Variants in ACTR1A observed in about 807,000 individuals in gnomAD.
ACTR1A encodes alpha-centractin.
In ACTR1A, 10 loss-of-function variants were observed where a neutral mutation model predicts 50.7. That is an observed-to-expected ratio of 0.20 (90% CI 0.12 to 0.33). The LOEUF (loss-of-function observed/expected upper bound fraction) is 0.33, where lower values mean the gene tolerates loss of function less well. Among genes scored for constraint, ACTR1A ranks in the 10% least tolerant of loss-of-function variants. ACTR1A has a pLI of 1.00. For missense variants in ACTR1A, 253 were observed against 491.7 expected (o/e 0.51, Z 4.59); for synonymous variants, 177 against 184.2 (o/e 0.96, Z 0.32).
At chr10:102,502,120 A>G (rs1441164817) in intron 1 of ACTR1A, among the ~76,000 whole-genome samples, 2 of 152,116 alleles carry the variant, frequency 1.3e-5, no homozygotes, top group Non-Finnish European at 2.9e-5. Context: ...GCCAATCCCC[A>G]CAGCCCTGGA....
rs2062163777 is a variant in ACTR1A, at chr10:102,485,595, C to T, written c.440+14G>A. 1 of 1,613,050 alleles carries T rather than the reference C, an allele frequency of 6.2e-7. No individual in the cohort carries two copies. The highest frequency in any genetic ancestry group is 2.2e-5 in the East Asian group (1 of 44,858). The stretch of plus-strand genomic sequence containing the variant: ...CTTTCCCCGCAGGGGCCGGGCTAGC[C>T]AGCTGCTACTCACAGGCTGAGTACA... On this transcript the variant is annotated intron_variant, in intron 5 of 10. Coordinates refer to ENST00000369905, the MANE Select transcript of ACTR1A (RefSeq NM_005736.4).
chr10:102,495,755 ATTTT>A (rs79530206), intron 1 of ACTR1A, among the ~76,000 whole-genome samples: 69 of 99,572 alleles, frequency 6.9e-4, no homozygotes, highest in African/African-American at 2.6e-3. Flanking sequence ...TAAATACACA[ATTTT>A]TTTTTTTTTT....
At position 102,488,032 on chromosome 10, in the gene ACTR1A, A is replaced by G. The variant is rs1011613092; in HGVS notation, c.315+118T>C. On this transcript the variant is annotated intron_variant, in intron 4 of 10. Transcript: ENST00000369905. The surrounding 1 kb of genome is among the most constrained non-coding windows in gnomAD (Gnocchi z 4.4). ...TAAGATTAAATCTGAATATGCCTGA[A>G]AATCAAATGGCTCCAGCACTCTTGG... The G allele has an allele frequency of 8.1e-7, 1 of 1,229,670 alleles. No homozygotes were observed. Among genetic ancestry groups the G allele is most frequent in the Non-Finnish European group, 1.1e-6 (1 of 876,288 alleles). The allele number at this position is 1,229,670 out of a possible 1,614,324, so 76.2% of individuals were successfully genotyped here. A position where few individuals can be genotyped will look rare whatever the true frequency, so the allele number is the denominator to read the frequency against.
Position 102,488,184 on chromosome 10 carries a change from T to A in ACTR1A, c.281A>T (p.Tyr94Phe). 6.2e-7 allele frequency: 1 copy of A among 1,613,980 alleles called. No individual in the cohort carries two copies. Among genetic ancestry groups the A allele is most frequent in the South Asian group, 1.1e-5 (1 of 91,086 alleles). ...NDMERIWQYV[Y>F]SKDQLQTFSE... ...GAAAGTCTGCAGCTGGTCCTTAGAA[T>A]AGACATATTGCCAAATGCGTTCCAT... Residue 94 changes from tyrosine (Y) to phenylalanine (F), a missense_variant, in exon 4 of 11, where the codon TAT (tyrosine) becomes TTT (phenylalanine). Tyr to Phe is a conservative substitution (Grantham distance 22). Transcript: ENST00000369905. The surrounding 1 kb of genome is among the most constrained non-coding windows in gnomAD (Gnocchi z 4.4).
intron 5 of ACTR1A, 64 bp from the exon 6 acceptor site, chr10:102,484,440 T>C: frequency 7.2e-7 from 1 of 1,386,476 alleles, no homozygotes. Flanking sequence ...AATACACTTC[T>C]TTATTTAGGG....
Position 102,484,389 on chromosome 10 carries a change from G to C in ACTR1A, c.441-13C>G, listed in dbSNP as rs371581447. Reference sequence around the variant, plus strand: ...GCCTGTAGCGTAACTGAAGCAAAGGGGCAAACCGTCACTCAGCACTGCCTC... The same window carrying C: ...GCCTGTAGCGTAACTGAAGCAAAGGCGCAAACCGTCACTCAGCACTGCCTC... On this transcript the variant is annotated splice_polypyrimidine_tract_variant and intron_variant, in intron 5 of 10. Coordinates refer to ENST00000369905, the MANE Select transcript of ACTR1A (RefSeq NM_005736.4). The C allele has an allele frequency of 1.2e-3, 1,990 of 1,608,262 alleles. 3 individuals are homozygous for C. Among genetic ancestry groups the C allele is most frequent in the Non-Finnish European group, 1.6e-3 (1,914 of 1,175,050 alleles).
intron 1 of ACTR1A, 68 bp downstream of exon 1, chr10:102,502,532 C>T: frequency 6.3e-7 from 1 of 1,578,244 alleles, no homozygotes; most frequent in Non-Finnish European, 8.7e-7. Flanking sequence ...TCAGGCTGAA[C>T]CCCGGGAAGC....
intron 4 of ACTR1A, 29 bp from the exon 5 acceptor site, chr10:102,485,762 G>A (rs751907939): frequency 7.5e-6 from 12 of 1,610,600 alleles, no homozygotes; most frequent in Non-Finnish European, 1.0e-5. Flanking sequence ...GAGACAATGA[G>A]GCCAAGGCCA....
intron 6 of ACTR1A, chr10:102,483,436 C>T (rs1035258337): frequency 4.4e-6 from 1 of 229,842 alleles, no homozygotes; most frequent in African/African-American, 2.3e-5. Context: ...TGGTCCTACC[C>T]AGCTCGAGTT....
Position 102,483,022 on chromosome 10 carries a change from T to A in ACTR1A, c.739A>T (p.Ser247Cys), listed in dbSNP as rs1347168688. The A allele has an allele frequency of 3.1e-6, 5 of 1,613,890 alleles. No individual in the cohort carries two copies. In the South Asian group the frequency reaches 5.5e-5, roughly 18 times the overall value. ...GGCAGGCCACCTACCTCAATGGTGCTGCCATCAGGCAGGTAGTACTGAGCT... is the reference window on the plus strand; with the variant it reads ...GGCAGGCCACCTACCTCAATGGTGCAGCCATCAGGCAGGTAGTACTGAGCT... Reference protein sequence around the residue: ...EKAQYYLPDGSTIEIGPSRFR... With the variant: ...EKAQYYLPDGCTIEIGPSRFR... The change falls in exon 7 of 11, where the codon AGC (serine) becomes TGC (cysteine). Residue 247 changes from serine to cysteine, a missense_variant. This residue lies in a region of ACTR1A where 116 missense variants were observed against 155.9 expected (regional missense o/e 0.74). Transcript: ENST00000369905.
Position 102,488,168 on chromosome 10 carries a change from C to T in ACTR1A, c.297G>A (p.Leu99=). The T allele has an allele frequency of 1.9e-6, 3 of 1,613,312 alleles. 1 individual carries two copies. Residue 99 remains leucine (L), a synonymous_variant, in exon 4 of 11, where the codon CTG becomes CTA. Transcript: ENST00000369905. This position sits in a 1 kb window ranked among gnomAD's most constrained non-coding sequence, Gnocchi z 4.4. ...IWQYVYSKDQ[L]QTFSEEHPVL... ...TCCTCACCTCCTCTGAGAAAGTCTG[C>T]AGCTGGTCCTTAGAATAGACATATT... is the stretch of plus-strand genomic sequence containing the variant.
At chr10:102,493,982 CCA>C (rs2062207566) in intron 1 of ACTR1A, among the ~76,000 whole-genome samples, 1 of 152,196 alleles carries the variant, frequency 6.6e-6, no homozygotes, top group Admixed American at 6.6e-5. Flanking sequence ...GCCTGCCATG[CCA>C]GTCATAGGGT....
Position 102,491,501 on chromosome 10 carries a change from T to G in ACTR1A, c.49-888A>C, listed in dbSNP as rs2135585367. Among the ~76,000 whole-genome samples, 3 of 152,330 alleles carry G rather than the reference T, an allele frequency of 2.0e-5. 1 individual carries two copies. In the South Asian group the frequency reaches 6.2e-4, roughly 32 times the overall value. On this transcript the variant is annotated intron_variant, in intron 1 of 10. Coordinates refer to ENST00000369905, the MANE Select transcript of ACTR1A (RefSeq NM_005736.4). Reference sequence around the variant, plus strand: ...GGAGATTTTTGTTGTTGTTTTCTTTTTAACTATGCTTTCCTTTTACTCCTT... The same window carrying G: ...GGAGATTTTTGTTGTTGTTTTCTTTGTAACTATGCTTTCCTTTTACTCCTT...
intron 1 of ACTR1A, among the ~76,000 whole-genome samples, chr10:102,500,291 C>T (rs530902621): frequency 3.1e-4 from 47 of 152,160 alleles, no homozygotes; most frequent in African/African-American, 1.1e-3. Flanking sequence ...AAAATTAGGC[C>T]GGGCGCGGTG....
At chr10:102,487,647 T>G (rs1385002497) in intron 4 of ACTR1A, among the ~76,000 whole-genome samples, 1 of 150,726 alleles carries the variant, frequency 6.6e-6, no homozygotes, top group African/African-American at 2.4e-5. Context: ...TTTTTTTTTT[T>G]TTGGGACGGA....
At chr10:102,483,791 G>A (rs1235361069) in intron 6 of ACTR1A, 2 of 220,094 alleles carry the variant, frequency 9.1e-6, no homozygotes, top group Non-Finnish European at 1.9e-5. Context: ...GTTACAGTGA[G>A]CCGAGATCAC....
In ACTR1A at chr10:102,482,116, C is replaced by A; in HGVS notation, c.810G>T (p.Glu270Asp). 6.2e-7 allele frequency: 1 copy of A among 1,614,170 alleles called. No homozygotes were observed. The highest frequency in any genetic ancestry group is 8.5e-7 in the Non-Finnish European group (1 of 1,180,048). ...ELLFRPDLIG[E>D]ESEGIHEVLV... ...GGACCTCGTGGATGCCTTCACTCTC[C>A]TCTCCAATCAAATCTGGCCTGAAGA... Residue 270 changes from glutamate (E) to aspartate (D), a missense_variant, in exon 8 of 11, where the codon GAG (glutamate) becomes GAT (aspartate). Physicochemically the swap from Glu to Asp is conservative, Grantham distance 45 (BLOSUM62 2). Around this residue, in one of 4 missense-constraint regions of ACTR1A, gnomAD observed 116 missense variants for 155.9 expected, o/e 0.74. Coordinates refer to ENST00000369905, the MANE Select transcript of ACTR1A (RefSeq NM_005736.4). This position sits in a 1 kb window ranked among gnomAD's most constrained non-coding sequence, Gnocchi z 5.6.
chr10:102,494,886 C>A (rs960031483), intron 1 of ACTR1A, among the ~76,000 whole-genome samples: 8 of 152,182 alleles, frequency 5.3e-5, no homozygotes. Context: ...TCTCGGCTCA[C>A]TGTAACCTCC....
At chr10:102,485,958 C>T (rs1348922075) in intron 4 of ACTR1A, among the ~76,000 whole-genome samples, 1 of 152,148 alleles carries the variant, frequency 6.6e-6, no homozygotes, top group East Asian at 1.9e-4. Context: ...TCAGCTGTGC[C>T]CCCCAACTCC....
Sources: allele counts gnomAD v4.1 joint callset (sites outside exome capture counted in the v4.1 genomes callset), GRCh38; gene constraint gnomAD v4.1.1; regional missense constraint gnomAD v4.1.1; non-coding constraint Gnocchi (gnomAD v3.1); transcripts MANE v1.5; gene names NCBI Gene and HGNC (gene_info 2026-07-23, HGNC 2026-07-21).